Variants in RIT2 observed in about 807,000 individuals in gnomAD.
The protein encoded by RIT2 is GTP-binding protein Rit2.
Under a neutral mutation model 23.7 loss-of-function variants are expected in RIT2, and 24 were observed. The ratio of observed to expected loss-of-function variants is 1.01; its 90% CI spans 0.73 to 1.43. The LOEUF (loss-of-function observed/expected upper bound fraction) is 1.43, where lower values mean the gene tolerates loss of function less well. Among genes scored for constraint, RIT2 ranks in the 40% most tolerant of loss-of-function variants. The probability of loss-of-function intolerance (pLI) is 0.00; values close to 1 mark genes in which losing one functional copy is unlikely to be tolerated. For synonymous variants in RIT2, 107 were observed against 91.1 expected (o/e 1.17, Z -0.99); for missense variants, 236 against 266.9 (o/e 0.88, Z 0.81).
At chr18:42,857,396 C>T (rs1489607399) in intron 4 of RIT2, among the ~76,000 whole-genome samples, 1 of 152,144 alleles carries the variant, frequency 6.6e-6, no homozygotes, top group Non-Finnish European at 1.5e-5. Flanking sequence ...TTATGGACAA[C>T]AGCATTGAGT....
chr18:42,978,299 C>G (rs574513725), intron 2 of RIT2, among the ~76,000 whole-genome samples: 4 of 142,102 alleles, frequency 2.8e-5, no homozygotes, highest in Non-Finnish European at 6.0e-5. Flanking sequence ...ACCTTTTATC[C>G]ACGGCTTTTT....
At chr18:42,885,953 C>T (rs186085988) in intron 4 of RIT2, among the ~76,000 whole-genome samples, 2 of 152,090 alleles carry the variant, frequency 1.3e-5, no homozygotes, top group East Asian at 1.9e-4. Context: ...ATGAAGGGGC[C>T]GGAGTCCAAC....
At chr18:42,819,656 A>T (rs965488535) in intron 4 of RIT2, among the ~76,000 whole-genome samples, 1 of 152,090 alleles carries the variant, frequency 6.6e-6, no homozygotes, top group Non-Finnish European at 1.5e-5. Context: ...CTTGCCTTTC[A>T]TTACTTAGGA....
intron 4 of RIT2, among the ~76,000 whole-genome samples, chr18:42,882,637 C>T (rs772778416): frequency 2.9e-4 from 44 of 152,170 alleles, no homozygotes; most frequent in Non-Finnish European, 3.1e-4. Context: ...TGGGTCTAGT[C>T]ACTGTCACTT....
intron 1 of RIT2, among the ~76,000 whole-genome samples, chr18:43,038,947 C>G (rs1037656694): frequency 2.0e-5 from 3 of 151,854 alleles, no homozygotes; most frequent in African/African-American, 4.8e-5. Flanking sequence ...TGGTGAGGAT[C>G]ATAGAAGTAA....
At chr18:42,964,622 C>T (rs1910169528) in intron 3 of RIT2, among the ~76,000 whole-genome samples, 1 of 152,126 alleles carries the variant, frequency 6.6e-6, no homozygotes, top group African/African-American at 2.4e-5. Context: ...TTTTCCTACT[C>T]CCACATACAT....
At position 43,115,460 on chromosome 18, in the gene RIT2, C is replaced by T; in HGVS notation, c.60G>A (p.Glu20=). The T allele has an allele frequency of 6.2e-7, 1 of 1,613,830 alleles. No individual in the cohort carries two copies. The highest frequency in any genetic ancestry group is 8.5e-7 in the Non-Finnish European group (1 of 1,179,864). The part of the protein sequence containing the change: ...SPGSASGGSR[E]YKVVMLGAGG... ...CTGCTCCCAGCATTACCACCTTGTA[C>T]TCTCTGGACCCGCCTGATGCGCTGC... The change falls in exon 1 of 5, where the codon GAG becomes GAA. Residue 20 remains glutamate (E), a synonymous_variant. Coordinates refer to ENST00000326695, the MANE Select transcript of RIT2 (RefSeq NM_002930.4).
At chr18:43,001,866 A>G (rs1911115754) in intron 2 of RIT2, among the ~76,000 whole-genome samples, 1 of 152,036 alleles carries the variant, frequency 6.6e-6, no homozygotes, top group Non-Finnish European at 1.5e-5. Flanking sequence ...AAGATGAGGA[A>G]TAACTCCTCT....
At chr18:42,971,359 A>G (rs1910357816) in intron 3 of RIT2, among the ~76,000 whole-genome samples, 1 of 151,998 alleles carries the variant, frequency 6.6e-6, no homozygotes, top group South Asian at 2.1e-4. Context: ...AGTTGAAACT[A>G]GCTTTAAAAA....
chr18:42,872,745 T>C (rs1007798761), intron 4 of RIT2, among the ~76,000 whole-genome samples: 2 of 152,184 alleles, frequency 1.3e-5, no homozygotes, highest in African/African-American at 4.8e-5. Flanking sequence ...AGTAATGGGA[T>C]GTGTGGGCTA....
intron 4 of RIT2, among the ~76,000 whole-genome samples, chr18:42,869,544 G>A (rs1433268250): frequency 6.6e-6 from 1 of 152,294 alleles, no homozygotes; most frequent in Non-Finnish European, 1.5e-5. Flanking sequence ...ATATGGTCTT[G>A]CCTTTATCAT....
At chr18:43,067,995 G>A (rs1340519665) in intron 1 of RIT2, among the ~76,000 whole-genome samples, 2 of 152,152 alleles carry the variant, frequency 1.3e-5, no homozygotes, top group African/African-American at 4.8e-5. Flanking sequence ...TTTTTGACAT[G>A]TTGATTGTGT....
intron 4 of RIT2, among the ~76,000 whole-genome samples, chr18:42,825,347 A>G (rs1253390343): frequency 6.6e-6 from 1 of 151,830 alleles, no homozygotes; most frequent in Non-Finnish European, 1.5e-5. Context: ...ACCGGGAGAT[A>G]GGATCAGCCA....
chr18:42,985,166 C>T (rs1220504035), intron 2 of RIT2, among the ~76,000 whole-genome samples: 9 of 151,922 alleles, frequency 5.9e-5, no homozygotes, highest in Non-Finnish European at 1.0e-4. Flanking sequence ...TTTAATGATG[C>T]AATTTACCAT....
At chr18:42,904,084 C>T (rs1262901331) in intron 4 of RIT2, among the ~76,000 whole-genome samples, 1 of 152,028 alleles carries the variant, frequency 6.6e-6, no homozygotes. Context: ...AGTGTTCCTA[C>T]AAATGGACCC....
chr18:43,026,573 T>TAAGAAAGAAAGAAAGAAAGAAAGA (rs199513808), intron 2 of RIT2, among the ~76,000 whole-genome samples: 4 of 77,360 alleles, frequency 5.2e-5, no homozygotes, highest in African/African-American at 1.3e-4. Context: ...AAGAAATAAA[T>TAAGAAAGAAAGAAAGAAAGAAAGA]AAGAAAGAAA....
intron 1 of RIT2, among the ~76,000 whole-genome samples, chr18:43,067,144 G>A (rs944948240): frequency 6.6e-6 from 1 of 152,006 alleles, no homozygotes; most frequent in African/African-American, 2.4e-5. Context: ...ATGAGTAACT[G>A]AAGGATAAAA....
chr18:43,087,654 C>A (rs1913317805), intron 1 of RIT2, among the ~76,000 whole-genome samples: 1 of 152,184 alleles, frequency 6.6e-6, no homozygotes, highest in African/African-American at 2.4e-5. Flanking sequence ...AAATACCTGT[C>A]TTGTATCATC....
intron 2 of RIT2, among the ~76,000 whole-genome samples, chr18:43,030,581 T>C (rs141988131): frequency 1.3e-5 from 2 of 152,230 alleles, no homozygotes; most frequent in African/African-American, 4.8e-5. Flanking sequence ...TTTATAGTTT[T>C]CAAGATTTTT....
Sources: allele counts gnomAD v4.1 joint callset (sites outside exome capture counted in the v4.1 genomes callset), GRCh38; gene constraint gnomAD v4.1.1; transcripts MANE v1.5; gene names NCBI Gene and HGNC (gene_info 2026-07-23, HGNC 2026-07-21).